Variants in TSKU observed in about 807,000 individuals in gnomAD.
The protein encoded by TSKU is tsukushi.
A neutral mutation model predicts 11.2 loss-of-function variants in TSKU; 4 were observed. The observed-to-expected ratio is 0.36, with a 90% confidence interval of 0.18 to 0.82. The LOEUF (loss-of-function observed/expected upper bound fraction) is 0.82. Among genes scored for constraint, TSKU ranks in the 40% least tolerant of loss-of-function variants. TSKU has a pLI of 0.50. For synonymous variants in TSKU, 220 were observed against 232.2 expected, an observed-to-expected ratio of 0.95 and a Z score of 0.48; for missense variants, 407 against 482.5, an observed-to-expected ratio of 0.84 and a Z score of 1.47.
intron 1 of TSKU, among the ~76,000 whole-genome samples, chr11:76,787,985 G>A (rs1341551508): frequency 6.6e-6 from 1 of 152,190 alleles, no homozygotes; most frequent in Non-Finnish European, 1.5e-5. Flanking sequence ...TGCTGTGTTT[G>A]TCCAGATGTG....
chr11:76,788,558 C>A (rs954187396), intron 1 of TSKU, among the ~76,000 whole-genome samples: 2 of 152,184 alleles, frequency 1.3e-5, no homozygotes, highest in Admixed American at 1.3e-4. Flanking sequence ...TAGCAAATCA[C>A]CGTCATTGTC....
chr11:76,793,442 T>G (rs2134400594), intron 1 of TSKU, among the ~76,000 whole-genome samples: 1 of 152,352 alleles, frequency 6.6e-6, no homozygotes, highest in Admixed American at 6.5e-5. Context: ...TTGGGTCGTA[T>G]TTTGAGCTGC....
At chr11:76,794,732 C>G (rs1944419161) in intron 1 of TSKU, among the ~76,000 whole-genome samples, 1 of 152,224 alleles carries the variant, frequency 6.6e-6, no homozygotes, top group Admixed American at 6.5e-5. Context: ...CAAAACCCAT[C>G]TGGGAATCTG....
rs117353605 is a variant in TSKU at position 76,796,736 on chromosome 11, C to T, written c.*58C>T. 4.6e-4 allele frequency: 607 copies of T among 1,327,542 alleles called. 1 individual carries two copies. Among genetic ancestry groups the T allele is most frequent in the Non-Finnish European group, 5.7e-4 (571 of 1,002,050 alleles). The allele number at this position is 1,327,542 out of a possible 1,614,324, so 82.2% of individuals were successfully genotyped here. Reference sequence around the variant, plus strand: ...TGCTGTCCTGGGCTGCCTCAGGTCCCGAGTAACTTATGTTCAATGTGCCAA... The same window carrying T: ...TGCTGTCCTGGGCTGCCTCAGGTCCTGAGTAACTTATGTTCAATGTGCCAA... On this transcript the variant is annotated 3_prime_UTR_variant, in exon 2 of 2. Coordinates refer to ENST00000333090, the MANE Select transcript of TSKU (RefSeq NM_015516.4). This position sits in a 1 kb window ranked among gnomAD's most constrained non-coding sequence, Gnocchi z 4.1.
intron 1 of TSKU, 105 bp from the exon 2 acceptor site, chr11:76,795,504 G>A (rs75410995): frequency 0.031 from 41,459 of 1,357,878 alleles, 1,157 homozygotes; most frequent in African/African-American, 0.14. Flanking sequence ...CCAGGAGGTC[G>A]GGGTCTGTGA....
rs372105327 is a variant in TSKU, at chr11:76,796,206, A to G, written c.590A>G (p.His197Arg). The change falls in exon 2 of 2, where the codon CAT becomes CGT. Residue 197 changes from histidine (H) to arginine (R), a missense_variant. His to Arg is a conservative substitution (Grantham distance 29). Transcript: ENST00000333090. The surrounding 1 kb of genome is among the most constrained non-coding windows in gnomAD (Gnocchi z 4.1). Reference protein sequence around the residue: ...QSLNLAWNRLHAVPNLRDLPL... With the variant: ...QSLNLAWNRLRAVPNLRDLPL... ...CTGAACCTGGCCTGGAACCGGCTCC[A>G]TGCCGTGCCCAACCTCCGAGACTTG... is the stretch of plus-strand genomic sequence containing the variant. 1.2e-5 allele frequency: 20 copies of G among 1,613,468 alleles called. No individual in the cohort carries two copies. Among genetic ancestry groups the G allele is most frequent in the East Asian group, 2.2e-5 (1 of 44,858 alleles).
intron 1 of TSKU, chr11:76,792,507 G>C (rs2134398377): frequency 6.6e-6 from 1 of 152,316 alleles, no homozygotes. Context: ...TGGTTTAGCT[G>C]TGCCCGCACC....
Position 76,796,642 on chromosome 11 carries a change from C to G in TSKU, c.1026C>G (p.Thr342=). The G allele has an allele frequency of 8.9e-6, 13 of 1,454,948 alleles. No homozygotes were observed. Among genetic ancestry groups the G allele is most frequent in the Non-Finnish European group, 1.1e-5 (12 of 1,100,386 alleles). The allele number at this position is 1,454,948 out of a possible 1,614,324, so 90.1% of individuals were successfully genotyped here. A position where few individuals can be genotyped will look rare whatever the true frequency, so the allele number is the denominator to read the frequency against. ...SPKVALHCVD[T]RDSAARGPTI... is the part of the protein sequence containing the mutation. Reference sequence around the variant, plus strand: ...AGGTGGCCCTGCACTGCGTAGACACCCGGGATTCTGCTGCCAGGGGCCCCA... The same window carrying G: ...AGGTGGCCCTGCACTGCGTAGACACGCGGGATTCTGCTGCCAGGGGCCCCA... The change falls in exon 2 of 2, where the codon ACC becomes ACG. Residue 342 remains threonine, a synonymous_variant. Coordinates refer to ENST00000333090, the MANE Select transcript of TSKU (RefSeq NM_015516.4). This position sits in a 1 kb window ranked among gnomAD's most constrained non-coding sequence, Gnocchi z 4.1.
chr11:76,788,847 C>G (rs1430145610), intron 1 of TSKU, among the ~76,000 whole-genome samples: 1 of 152,200 alleles, frequency 6.6e-6, no homozygotes, highest in Non-Finnish European at 1.5e-5. Flanking sequence ...GGGCACCGCC[C>G]CAAGCTGCTT....
chr11:76,786,000 T>C (rs1254694865), intron 1 of TSKU, among the ~76,000 whole-genome samples: 2 of 152,180 alleles, frequency 1.3e-5, no homozygotes, highest in African/African-American at 4.8e-5. Context: ...TAAAAAGTGG[T>C]TTGTAGTGTG....
At chr11:76,787,700 G>A (rs1944325843) in intron 1 of TSKU, among the ~76,000 whole-genome samples, 1 of 152,136 alleles carries the variant, frequency 6.6e-6, no homozygotes, top group African/African-American at 2.4e-5. Context: ...AGCTTCAAGG[G>A]CATAAAAAGG....
In TSKU at chr11:76,789,593, G is replaced by A. The variant is rs553204478; in HGVS notation, c.-8-6016G>A. 1.7e-3 allele frequency among the ~76,000 whole-genome samples: 265 copies of A among 152,296 alleles called. 2 individuals carry two copies. Among genetic ancestry groups the A allele is most frequent in the African/African-American group, 6.1e-3 (252 of 41,554 alleles). On this transcript the variant is annotated intron_variant, in intron 1 of 1. Coordinates refer to ENST00000333090, the MANE Select transcript of TSKU (RefSeq NM_015516.4). ...TGGCCCCTGCACTGGAAGGCCTTAC[G>A]GTATATCCCCCAAATCACAGATGGA... is the stretch of plus-strand genomic sequence containing the variant.
At chr11:76,788,225 G>A (rs759082293) in intron 1 of TSKU, among the ~76,000 whole-genome samples, 22 of 152,170 alleles carry the variant, frequency 1.4e-4, no homozygotes, top group East Asian at 1.4e-3. Flanking sequence ...GACAAAGGCC[G>A]GTCTCGGGGG....
intron 1 of TSKU, among the ~76,000 whole-genome samples, chr11:76,792,995 C>T (rs117313407): frequency 2.9e-3 from 447 of 152,352 alleles, no homozygotes; most frequent in Admixed American, 6.3e-3. Context: ...TAAATGAAAG[C>T]ATGTGTGTCC....
chr11:76,789,906 G>C (rs919111637), intron 1 of TSKU, among the ~76,000 whole-genome samples: 3 of 152,052 alleles, frequency 2.0e-5, no homozygotes, highest in Non-Finnish European at 4.4e-5. Context: ...CCTGGGACTA[G>C]AGCCCCAGTC....
rs963597003 is a variant in TSKU, at chr11:76,784,755, G to T, written c.-9+1351G>T. Among the ~76,000 whole-genome samples, 184 of 145,412 alleles carry T rather than the reference G, an allele frequency of 1.3e-3. 3 individuals carry two copies. The highest frequency in any genetic ancestry group is 4.8e-3 in the African/African-American group (175 of 36,710). ...TGGGGCTGACCGGAGGTGGGGGGGG[G>T]GGGGTGCTCAGAGCTGCAGGAGCCT... On this transcript the variant is annotated intron_variant, in intron 1 of 1. Transcript: ENST00000333090.
At position 76,796,043 on chromosome 11, in the gene TSKU, C is replaced by T. The variant is rs766556034; in HGVS notation, c.427C>T (p.Leu143Phe). The stretch of plus-strand genomic sequence containing the variant: ...CGACGTGAACCTTAGCCACAACCAG[C>T]TCCGGGAGGTCTCAGTGTCTGCCTT... ...LSDVNLSHNQ[L>F]REVSVSAFTT... The change falls in exon 2 of 2, where the codon CTC becomes TTC. Residue 143 changes from leucine to phenylalanine, a missense_variant. Leu to Phe is a conservative substitution (Grantham distance 22, BLOSUM62 0). Coordinates refer to ENST00000333090, the MANE Select transcript of TSKU (RefSeq NM_015516.4). This position sits in a 1 kb window ranked among gnomAD's most constrained non-coding sequence, Gnocchi z 4.1. 14 of 1,613,914 alleles carry T rather than the reference C, an allele frequency of 8.7e-6. No homozygotes were observed. The East Asian group carries it at 2.9e-4, about 33-fold the overall frequency.
chr11:76,789,531 T>C (rs1176888070), intron 1 of TSKU, among the ~76,000 whole-genome samples: 2 of 152,250 alleles, frequency 1.3e-5, no homozygotes, highest in Non-Finnish European at 2.9e-5. Context: ...AGAGTCACTG[T>C]GGACCTGGCC....
At chr11:76,788,559 C>G (rs985559072) in intron 1 of TSKU, among the ~76,000 whole-genome samples, 3 of 152,142 alleles carry the variant, frequency 2.0e-5, no homozygotes, top group Admixed American at 2.0e-4. Context: ...AGCAAATCAC[C>G]GTCATTGTCT....
Sources: gnomAD v4.1 joint callset for allele counts (sites outside exome capture counted in the v4.1 genomes callset) on GRCh38, gnomAD v4.1.1 for gene constraint, Gnocchi (gnomAD v3.1) non-coding constraint, MANE v1.5 for transcripts, NCBI Gene and HGNC (gene_info 2026-07-23, HGNC 2026-07-21) for gene names.